TRIM55: variants seen among roughly 807,000 people sequenced by gnomAD.
TRIM55 encodes the protein tripartite motif containing 55.
A neutral mutation model predicts 60.9 loss-of-function variants in TRIM55; 50 were observed. That is an observed-to-expected ratio of 0.82 (90% CI 0.65 to 1.04). TRIM55 has a LOEUF of 1.04. Among genes scored for constraint, TRIM55 ranks in the 50% least tolerant of loss-of-function variants. The pLI is 0.00. For missense variants in TRIM55, 681 were observed against 666.9 expected, an observed-to-expected ratio of 1.02 and a Z score of -0.23; for synonymous variants, 237 against 238.1, an observed-to-expected ratio of 1.00 and a Z score of 0.04.
chr8:66,122,971 CATTCTAT>C, upstream of TRIM55, among the ~76,000 whole-genome samples: 1 of 152,308 alleles, frequency 6.6e-6, no homozygotes, highest in African/African-American at 2.4e-5. Flanking sequence ...GGAAAATCTA[CATTCTAT>C]AGAGAATCCC....
chr8:66,152,053 C>T (rs1457693495), intron 7 of TRIM55, among the ~76,000 whole-genome samples: 1 of 152,098 alleles, frequency 6.6e-6, no homozygotes, highest in Non-Finnish European at 1.5e-5. Context: ...AATCCCAGGC[C>T]TCCAGGAGCT....
At chr8:66,168,328 T>C (rs1811436459) in intron 9 of TRIM55, among the ~76,000 whole-genome samples, 3 of 152,258 alleles carry the variant, frequency 2.0e-5, no homozygotes, top group African/African-American at 7.2e-5. Flanking sequence ...GGTTCTTGGC[T>C]GTACTCTCCT....
chr8:66,136,944 A>G (rs1809510789), intron 3 of TRIM55, 151 bp from the exon 4 acceptor site: 1 of 542,560 alleles, frequency 1.8e-6, no homozygotes, highest in Middle Eastern at 4.3e-4. Context: ...GTTTGCTTGC[A>G]ATATCAGAAG....
At chr8:66,172,463 G>A (rs1312985807) in intron 9 of TRIM55, among the ~76,000 whole-genome samples, 1 of 152,208 alleles carries the variant, frequency 6.6e-6, no homozygotes, top group African/African-American at 2.4e-5. Context: ...GATAGCATTG[G>A]TCCATATTGT....
the TRIM55 span, chr8:66,114,847 G>A: frequency 9.3e-6 from 3 of 322,554 alleles, no homozygotes; most frequent in Non-Finnish European, 1.8e-5. Context: ...TTGTCCTCCT[G>A]TGGAAGTTAA....
chr8:66,169,204 G>A (rs894462791), intron 9 of TRIM55, among the ~76,000 whole-genome samples: 2 of 152,190 alleles, frequency 1.3e-5, no homozygotes, highest in African/African-American at 4.8e-5. Flanking sequence ...GAAAGCATTT[G>A]TTTAGTTTCA....
rs61741078 is a variant in TRIM55 at position 66,149,812 on chromosome 8, C to A, written c.771C>A (p.Asn257Lys). Residue 257 changes from asparagine to lysine, a missense_variant, in exon 5 of 10, where the codon AAC (asparagine) becomes AAA (lysine). Coordinates refer to ENST00000315962, the MANE Select transcript of TRIM55 (RefSeq NM_184085.2). ...LIKKYSDHLE[N>K]VSKLVESGIQ... ...AAAAGTATTCTGATCATTTGGAGAA[C>A]GTCTCAAAGTTGGTTGAGTCAGGAA... 2.5e-6 allele frequency: 4 copies of A among 1,614,156 alleles called. No individual in the cohort carries two copies. In the East Asian group the frequency reaches 8.9e-5, roughly 36 times the overall value.
In TRIM55 at chr8:66,137,163, G is replaced by A; in HGVS notation, c.576G>A (p.Gln192=). Residue 192 remains glutamine (Q), a synonymous_variant, in exon 4 of 10, where the codon CAG becomes CAA. Transcript: ENST00000315962. ...SNDRVQGVIS[Q]LEDTCKTIEE... Reference sequence around the variant, plus strand: ...ATCGAGTCCAGGGAGTGATCAGCCAGCTGGAAGACACCTGCAAAACTATCG... The same window carrying A: ...ATCGAGTCCAGGGAGTGATCAGCCAACTGGAAGACACCTGCAAAACTATCG... 2 of 1,614,130 alleles carry A rather than the reference G, an allele frequency of 1.2e-6. No homozygotes were observed. Among genetic ancestry groups the A allele is most frequent in the Non-Finnish European group, 1.7e-6 (2 of 1,180,026 alleles).
At chr8:66,169,390 T>C (rs1811496517) in intron 9 of TRIM55, among the ~76,000 whole-genome samples, 1 of 152,194 alleles carries the variant, frequency 6.6e-6, no homozygotes, top group South Asian at 2.1e-4. Context: ...ATGCTTTCAC[T>C]GTCAAGATTC....
At chr8:66,129,563 T>C (rs1421059812) in intron 2 of TRIM55, among the ~76,000 whole-genome samples, 1 of 152,202 alleles carries the variant, frequency 6.6e-6, no homozygotes, top group Non-Finnish European at 1.5e-5. Flanking sequence ...GGGGAAGAAT[T>C]GCTGATGACA....
chr8:66,167,934 G>A (rs10113256), intron 9 of TRIM55, among the ~76,000 whole-genome samples: 6,306 of 152,048 alleles, frequency 0.041, 411 homozygotes, highest in African/African-American at 0.14. Flanking sequence ...GTTTTTTGTA[G>A]GGGTGGGGTC....
chr8:66,153,950 C>T, intron 8 of TRIM55, 97 bp from the exon 9 acceptor site: 3 of 1,209,118 alleles, frequency 2.5e-6, no homozygotes, highest in Non-Finnish European at 3.4e-6. Flanking sequence ...AGGGAGCGCA[C>T]AGTGTTCAAA....
chr8:66,149,845 T>TA lies in TRIM55; in HGVS notation c.805dup (p.Met269AsnfsTer3). The TA allele has an allele frequency of 6.2e-7, 1 of 1,614,168 alleles. No individual in the cohort carries two copies. The highest frequency in any genetic ancestry group is 1.1e-5 in the South Asian group (1 of 91,086). ...AGTTGGTTGAGTCAGGAATTCAGTTTATGGATGAGCCAGAAATGGCAGTGT... is the reference window on the plus strand; with the variant it reads ...AGTTGGTTGAGTCAGGAATTCAGTTTAATGGATGAGCCAGAAATGGCAGTGT... On this transcript the variant is annotated frameshift_variant, in exon 5 of 10. Coordinates refer to ENST00000315962, the MANE Select transcript of TRIM55 (RefSeq NM_184085.2). LOFTEE classifies it high-confidence loss of function.
the TRIM55 span, chr8:66,115,198 G>A: frequency 6.6e-6 from 1 of 152,392 alleles, no homozygotes; most frequent in Non-Finnish European, 1.5e-5. Context: ...TGTTTCTTTA[G>A]GGTCCTAGGC....
chr8:66,130,437 T>C (rs1809071728), intron 2 of TRIM55, among the ~76,000 whole-genome samples: 2 of 152,136 alleles, frequency 1.3e-5, no homozygotes, highest in South Asian at 4.1e-4. Flanking sequence ...GAAACGCAGT[T>C]GTCCCCTGGG....
rs769144853 is a variant in TRIM55, at chr8:66,149,698, T to C, written c.657T>C (p.Tyr219=). ...TTTGTGAGAAGTTTGATTACCTGTA[T>C]GGCATTTTGGAGGAGAGGAAGAATG... is the stretch of plus-strand genomic sequence containing the variant. ...QELCEKFDYL[Y]GILEERKNEM... Residue 219 remains tyrosine (Y), a synonymous_variant, in exon 5 of 10, where the codon TAT becomes TAC. Transcript: ENST00000315962. The C allele has an allele frequency of 1.2e-6, 2 of 1,614,220 alleles. No individual in the cohort carries two copies. Among genetic ancestry groups the C allele is most frequent in the Admixed American group, 1.7e-5 (1 of 60,030 alleles).
chr8:66,137,670 G>T (rs902058936), intron 4 of TRIM55, among the ~76,000 whole-genome samples: 1 of 151,768 alleles, frequency 6.6e-6, no homozygotes, highest in African/African-American at 2.4e-5. Flanking sequence ...TGGCTCAGTG[G>T]CTGGGAGCTC....
In TRIM55 at chr8:66,133,465, C is replaced by T. The variant is rs1337810821; in HGVS notation, c.342-1525C>T. On this transcript the variant is annotated intron_variant, in intron 2 of 9. Coordinates refer to ENST00000315962, the MANE Select transcript of TRIM55 (RefSeq NM_184085.2). ...CTGATATTCTAGTGGAGGAAACAGA[C>T]AGACCTGAGAGGAGGATAATTTTCT... Among the ~76,000 whole-genome samples the T allele has an allele frequency of 2.0e-5, 3 of 151,616 alleles. No homozygotes were observed. The East Asian group carries it at 5.8e-4, about 29-fold the overall frequency.
intron 4 of TRIM55, among the ~76,000 whole-genome samples, chr8:66,148,320 C>T (rs1182708821): frequency 6.6e-6 from 1 of 152,268 alleles, no homozygotes; most frequent in Non-Finnish European, 1.5e-5. Context: ...GCAAGCCAGA[C>T]TTCCAACACA....
Sources: allele counts gnomAD v4.1 joint callset (sites outside exome capture counted in the v4.1 genomes callset), GRCh38; gene constraint gnomAD v4.1.1; transcripts MANE v1.5; gene names NCBI Gene and HGNC (gene_info 2026-07-23, HGNC 2026-07-21).